The following SGK3 variants were observed in gnomAD, a reference collection of about 807,000 sequenced individuals.
The protein encoded by SGK3 is serum/glucocorticoid regulated kinase family member 3.
Under a neutral mutation model 68.5 loss-of-function variants are expected in SGK3, and 47 were observed. The ratio of observed to expected loss-of-function variants is 0.69; its 90% CI spans 0.54 to 0.87. SGK3 has a LOEUF of 0.87. Ranked by LOEUF, SGK3 falls within the 40% of genes least tolerant of loss-of-function variation. SGK3 has a pLI of 0.00. For missense variants in SGK3, 479 were observed against 575.5 expected (o/e 0.83, Z 1.72); for synonymous variants, 181 against 189.1 (o/e 0.96, Z 0.35).
At chr8:66,821,761 G>A (rs1046093788) in intron 5 of SGK3, among the ~76,000 whole-genome samples, 7 of 145,086 alleles carry the variant, frequency 4.8e-5, no homozygotes, top group Non-Finnish European at 1.0e-4. Flanking sequence ...TCCTGACCTC[G>A]TGATCCGCCC....
chr8:66,730,688 T>G (rs935911818), intron 1 of SGK3, among the ~76,000 whole-genome samples: 3 of 147,472 alleles, frequency 2.0e-5, no homozygotes, highest in Non-Finnish European at 4.4e-5. Context: ...TCAGCACTGT[T>G]TTTTGTTTGT....
intron 1 of SGK3, among the ~76,000 whole-genome samples, chr8:66,746,839 G>A (rs1805668147): frequency 2.6e-5 from 4 of 152,016 alleles, no homozygotes; most frequent in Non-Finnish European, 5.9e-5. Flanking sequence ...GGGATTACAG[G>A]TGTAAGCCAT....
rs146543614 is a variant in SGK3, at chr8:66,847,343, G to A, written c.1225G>A (p.Asp409Asn). Residue 409 changes from aspartate to asparagine, a missense_variant, in exon 15 of 17, where the codon GAC becomes AAC. Asp to Asn is a conservative substitution (Grantham distance 23). Coordinates refer to ENST00000521198, the MANE Select transcript of SGK3 (RefSeq NM_001033578.3). Reference protein sequence around the residue: ...DRQNRLGAKEDFLEIQNHPFF... With the variant: ...DRQNRLGAKENFLEIQNHPFF... ...GCAAAATCGACTTGGTGCCAAGGAA[G>A]ACTTTGTATGTAACAGCTTTTCTAG... 3 of 1,612,770 alleles carry A rather than the reference G, an allele frequency of 1.9e-6. No individual in the cohort carries two copies. The highest frequency in any genetic ancestry group is 1.1e-5 in the South Asian group (1 of 90,584).
chr8:66,743,402 G>T (rs937065178), intron 1 of SGK3, among the ~76,000 whole-genome samples: 4 of 152,186 alleles, frequency 2.6e-5, no homozygotes, highest in African/African-American at 9.7e-5. Flanking sequence ...GATTAGCTCT[G>T]CAATTACGTT....
chr8:66,819,662 G>A (rs764776082), intron 5 of SGK3, among the ~76,000 whole-genome samples: 2 of 152,106 alleles, frequency 1.3e-5, no homozygotes, highest in African/African-American at 4.8e-5. Context: ...ATGCCAAAAT[G>A]TTAACAGTGG....
At chr8:66,778,777 G>C (rs895036585) in intron 1 of SGK3, among the ~76,000 whole-genome samples, 3 of 152,198 alleles carry the variant, frequency 2.0e-5, no homozygotes, top group Non-Finnish European at 2.9e-5. Flanking sequence ...TTATAGAGGG[G>C]AGTGGGTGTA....
intron 1 of SGK3, among the ~76,000 whole-genome samples, chr8:66,759,212 A>G (rs570928131): frequency 6.6e-6 from 1 of 151,422 alleles, no homozygotes; most frequent in African/African-American, 2.4e-5. Flanking sequence ...CAGCCTCCCA[A>G]GTAGCTGGGA....
intron 8 of SGK3, among the ~76,000 whole-genome samples, chr8:66,835,008 G>C (rs949528251): frequency 1.3e-5 from 2 of 151,892 alleles, no homozygotes; most frequent in African/African-American, 4.8e-5. Flanking sequence ...GGTGGCTTAC[G>C]CCTGTTATCC....
chr8:66,729,336 G>T (rs1046246628), intron 1 of SGK3, among the ~76,000 whole-genome samples: 1 of 151,748 alleles, frequency 6.6e-6, no homozygotes, highest in Admixed American at 6.6e-5. Flanking sequence ...GGCGCCTGTA[G>T]TCCCAGCTAC....
intron 1 of SGK3, among the ~76,000 whole-genome samples, chr8:66,762,750 C>CT (rs1365578463): frequency 2.0e-5 from 3 of 152,056 alleles, no homozygotes; most frequent in Non-Finnish European, 4.4e-5. Flanking sequence ...TGCTGCCTTT[C>CT]TTTTTTCCCT....
chr8:66,809,080 G>C (rs1808279783), intron 4 of SGK3, among the ~76,000 whole-genome samples: 1 of 151,840 alleles, frequency 6.6e-6, no homozygotes, highest in South Asian at 2.1e-4. Flanking sequence ...TGTTGGTCAG[G>C]CTGGTTTTGA....
At chr8:66,718,251 C>T (rs902168009) in intron 1 of SGK3, among the ~76,000 whole-genome samples, 6 of 151,770 alleles carry the variant, frequency 4.0e-5, no homozygotes, top group African/African-American at 1.5e-4. Flanking sequence ...TCTCAAACTC[C>T]TGACCTCAAG....
intron 4 of SGK3, among the ~76,000 whole-genome samples, chr8:66,807,430 G>C (rs1808212367): frequency 6.6e-6 from 1 of 152,176 alleles, no homozygotes; most frequent in Non-Finnish European, 1.5e-5. Context: ...AAGATACCAG[G>C]CTGAATGCTC....
At chr8:66,774,095 G>A (rs944048224) in intron 1 of SGK3, among the ~76,000 whole-genome samples, 2 of 152,080 alleles carry the variant, frequency 1.3e-5, no homozygotes, top group African/African-American at 4.8e-5. Context: ...AGCCTGGCAG[G>A]ACAAACTTTA....
rs115612989 is a variant in SGK3, at chr8:66,771,937, A to T, written c.-121-21679A>T. Among the ~76,000 whole-genome samples, 1,409 of 150,968 alleles carry T rather than the reference A, an allele frequency of 9.3e-3. 19 individuals are homozygous for T. The highest frequency in any genetic ancestry group is 0.032 in the African/African-American group (1,313 of 41,006). ...CCATTTTTATGAATCAGTCATATGT[A>T]ACTGCCAGTCAAAGCATTTGGTTAT... is the stretch of plus-strand genomic sequence containing the variant. On this transcript the variant is annotated intron_variant, in intron 1 of 16. Transcript: ENST00000521198.
chr8:66,738,933 A>G (rs1047695321), intron 1 of SGK3, among the ~76,000 whole-genome samples: 2 of 152,014 alleles, frequency 1.3e-5, no homozygotes, highest in African/African-American at 2.4e-5. Context: ...CCCAGCCTAG[A>G]GTCACTTTCT....
chr8:66,752,425 G>T (rs1475377713), intron 1 of SGK3, among the ~76,000 whole-genome samples: 1 of 152,088 alleles, frequency 6.6e-6, no homozygotes, highest in East Asian at 1.9e-4. Flanking sequence ...AAATAAACAT[G>T]CAAAAAGAGA....
chr8:66,778,961 A>G (rs1388309248), intron 1 of SGK3, among the ~76,000 whole-genome samples: 2 of 152,194 alleles, frequency 1.3e-5, no homozygotes, highest in South Asian at 2.1e-4. Context: ...TTCTAGACAC[A>G]TGGAATACTG....
At chr8:66,762,033 CTT>C (rs555306715) in intron 1 of SGK3, among the ~76,000 whole-genome samples, 2 of 151,404 alleles carry the variant, frequency 1.3e-5, no homozygotes, top group Admixed American at 6.6e-5. Flanking sequence ...TTTTTAGACT[CTT>C]TTTTTTTGAG....
Sources: allele counts gnomAD v4.1 joint callset (sites outside exome capture counted in the v4.1 genomes callset), GRCh38; gene constraint gnomAD v4.1.1; transcripts MANE v1.5; gene names NCBI Gene and HGNC (gene_info 2026-07-23, HGNC 2026-07-21).